MTCH1: variants seen among roughly 807,000 people sequenced by gnomAD.
MTCH1 encodes the protein mitochondrial carrier 1.
A neutral mutation model predicts 49.3 loss-of-function variants in MTCH1; 23 were observed. That is an observed-to-expected ratio of 0.47 (90% confidence interval 0.34 to 0.66). The LOEUF (loss-of-function observed/expected upper bound fraction) is 0.66. Among genes scored for constraint, MTCH1 ranks in the 30% least tolerant of loss-of-function variants. The pLI is 0.01. For missense variants in MTCH1, 397 were observed against 532.1 expected (o/e 0.75, Z 2.50); for synonymous variants, 229 against 215.2 (o/e 1.06, Z -0.56).
chr6:36,971,952 T>G (rs749972427), intron 8 of MTCH1, among the ~76,000 whole-genome samples: 1 of 152,178 alleles, frequency 6.6e-6, no homozygotes, highest in Admixed American at 6.5e-5. Context: ...ACAAGTGCTG[T>G]GTAGAAGGAC....
At chr6:36,976,788 A>G (rs1408017371) in intron 6 of MTCH1, among the ~76,000 whole-genome samples, 1 of 152,208 alleles carries the variant, frequency 6.6e-6, no homozygotes, top group Non-Finnish European at 1.5e-5. Flanking sequence ...CCCCAAGCCC[A>G]TGGGGTGGAT....
rs968946085 is a variant in MTCH1, at chr6:36,984,700, C to A, written c.321+1153G>T. Among the ~76,000 whole-genome samples the A allele has an allele frequency of 3.3e-5, 5 of 152,046 alleles. No individual in the cohort carries two copies. The East Asian group carries it at 5.8e-4, about 18-fold the overall frequency. ...CCCACCTAATTCTCACACCTCCACA[C>A]GCCCTTCATTCCAGCTCACTCCTCA... On this transcript the variant is annotated intron_variant, in intron 1 of 11. Coordinates refer to ENST00000373627, the MANE Select transcript of MTCH1 (RefSeq NM_001271641.2).
Position 36,970,156 on chromosome 6 carries a change from A to G in MTCH1, c.1023-42T>C, listed in dbSNP as rs139513480. 1.9e-3 allele frequency: 3,085 copies of G among 1,598,464 alleles called. 44 individuals are homozygous for G. Among genetic ancestry groups the G allele is most frequent in the Non-Finnish European group, 3.4e-4 (393 of 1,168,222 alleles). On this transcript the variant is annotated intron_variant, in intron 10 of 11. Transcript: ENST00000373627. Reference sequence around the variant, plus strand: ...GTGTAGATGCAGAGAACAGTGGAAGACAGCCAGCCACGGGAAAGCCACTTC... The same window carrying G: ...GTGTAGATGCAGAGAACAGTGGAAGGCAGCCAGCCACGGGAAAGCCACTTC...
Position 36,968,710 on chromosome 6 carries a change from A to G in MTCH1, c.*193T>C. 3.4e-6 allele frequency: 3 copies of G among 885,048 alleles called. No homozygotes were observed. Among genetic ancestry groups the G allele is most frequent in the Non-Finnish European group, 5.4e-6 (3 of 551,808 alleles). The allele number at this position is 885,048 out of a possible 1,614,324, so 54.8% of individuals were successfully genotyped here. A position where few individuals can be genotyped will look rare whatever the true frequency, so the allele number is the denominator to read the frequency against. ...TTCCCTAGGTCTGCCGGGTGACCCA[A>G]TCCACTGGGTGCAGCCCCACCCCCG... On this transcript the variant is annotated 3_prime_UTR_variant, in exon 12 of 12. Transcript: ENST00000373627.
Position 36,981,231 on chromosome 6 carries a change from C to G in MTCH1, c.406+357G>C, listed in dbSNP as rs569225899. On this transcript the variant is annotated intron_variant, in intron 2 of 11. Transcript: ENST00000373627. Reference sequence around the variant, plus strand: ...GCTGGAGTAGCAGGGCCAGGCTGCTCACAGGACAAAAGGAAATCACCCCCA... The same window carrying G: ...GCTGGAGTAGCAGGGCCAGGCTGCTGACAGGACAAAAGGAAATCACCCCCA... Among the ~76,000 whole-genome samples the G allele has an allele frequency of 2.0e-5, 3 of 152,248 alleles. No homozygotes were observed. The South Asian group carries it at 6.2e-4, about 32-fold the overall frequency.
chr6:36,984,056 A>G (rs76821154), intron 1 of MTCH1, among the ~76,000 whole-genome samples: 21,936 of 151,992 alleles, frequency 0.14, 1,807 homozygotes, highest in Admixed American at 0.21. Context: ...ATCTGCCATC[A>G]TCCAAATGAT....
intron 7 of MTCH1, among the ~76,000 whole-genome samples, chr6:36,973,818 T>G (rs1763764376): frequency 6.6e-6 from 1 of 152,262 alleles, no homozygotes; most frequent in African/African-American, 2.4e-5. Flanking sequence ...GCTGTTTCTG[T>G]AGAGCAGCCA....
chr6:36,978,411 G>T, intron 3 of MTCH1, 94 bp downstream of exon 3: 1 of 1,285,184 alleles, frequency 7.8e-7, no homozygotes, highest in Non-Finnish European at 1.1e-6. Context: ...GGTCTGGGAA[G>T]GAGGAGGCAA....
At chr6:36,975,860 C>A in intron 6 of MTCH1, 143 bp from the exon 7 acceptor site, 2 of 708,898 alleles carry the variant, frequency 2.8e-6, no homozygotes, top group Non-Finnish European at 2.5e-6. Flanking sequence ...CATGAAGAAC[C>A]AAGTAGAAAG....
intron 1 of MTCH1, among the ~76,000 whole-genome samples, chr6:36,984,559 C>T (rs1272284347): frequency 6.6e-6 from 1 of 152,170 alleles, no homozygotes; most frequent in East Asian, 1.9e-4. Flanking sequence ...CCACCTGCCT[C>T]AACTCAAATC....
At position 36,975,727 on chromosome 6, in the gene MTCH1, A is replaced by C. The variant is rs772961439; in HGVS notation, c.702-10T>G. 6.2e-7 allele frequency: 1 copy of C among 1,613,834 alleles called. No individual in the cohort carries two copies. Among genetic ancestry groups the C allele is most frequent in the Non-Finnish European group, 8.5e-7 (1 of 1,179,802 alleles). On this transcript the variant is annotated splice_polypyrimidine_tract_variant and intron_variant, in intron 6 of 11. Coordinates refer to ENST00000373627, the MANE Select transcript of MTCH1 (RefSeq NM_001271641.2). ...GGAGCTCAGCACACCACTGTGAAGAAGGCAAGACAGAGATACAGGGTCATG... is the reference window on the plus strand; with the variant it reads ...GGAGCTCAGCACACCACTGTGAAGACGGCAAGACAGAGATACAGGGTCATG...
At chr6:36,981,009 C>T (rs1764064997) in intron 2 of MTCH1, among the ~76,000 whole-genome samples, 1 of 152,152 alleles carries the variant, frequency 6.6e-6, no homozygotes, top group Admixed American at 6.5e-5. Flanking sequence ...TGCAGCCAGG[C>T]CACAGCAGGT....
intron 1 of MTCH1, among the ~76,000 whole-genome samples, chr6:36,983,305 G>C (rs1425262352): frequency 6.6e-6 from 1 of 152,174 alleles, no homozygotes; most frequent in Admixed American, 6.5e-5. Flanking sequence ...ATTAAGTTTT[G>C]TCTTGATCTG....
At chr6:36,970,503 G>T in intron 9 of MTCH1, 30 bp from the exon 10 acceptor site, 1 of 1,613,080 alleles carries the variant, frequency 6.2e-7, no homozygotes, top group South Asian at 1.1e-5. Context: ...GAGTGCCAGT[G>T]ACCCACCCCG....
intron 2 of MTCH1, among the ~76,000 whole-genome samples, chr6:36,979,110 TCAAGAACGCCC>T (rs1215662554): frequency 1.3e-5 from 2 of 152,064 alleles, no homozygotes; most frequent in African/African-American, 4.8e-5. Flanking sequence ...GAAGACAGGC[TCAAGAACGCCC>T]CCTGCACATG....
At position 36,986,168 on chromosome 6, in the gene MTCH1, T is replaced by G. The variant is rs1455925956; in HGVS notation, c.6A>C (p.Gly2=). The change falls in exon 1 of 12, where the codon GGA becomes GGC. Residue 2 remains glycine, a synonymous_variant. Coordinates refer to ENST00000373627, the MANE Select transcript of MTCH1 (RefSeq NM_001271641.2). M[G]ASDPEVAPWA... ...AGGGCGCCACTTCCGGGTCCGAAGC[T>G]CCCATGGCGCCCGGCGGCGAGGTCA... 22 of 1,427,910 alleles carry G rather than the reference T, an allele frequency of 1.5e-5. No individual in the cohort carries two copies. Among genetic ancestry groups the G allele is most frequent in the East Asian group, 3.1e-5 (1 of 32,140 alleles). The allele number at this position is 1,427,910 out of a possible 1,614,324, so 88.5% of individuals were successfully genotyped here.
rs1368927865 is a variant in MTCH1, at chr6:36,974,824, TG to T, written c.761+833del. Among the ~76,000 whole-genome samples, 4 of 152,316 alleles carry T rather than the reference TG, an allele frequency of 2.6e-5. No individual in the cohort carries two copies. In the East Asian group the frequency reaches 7.7e-4, roughly 29 times the overall value. On this transcript the variant is annotated intron_variant, in intron 7 of 11. Coordinates refer to ENST00000373627, the MANE Select transcript of MTCH1 (RefSeq NM_001271641.2). The stretch of plus-strand genomic sequence containing the variant: ...ATATAAAGACTTCTTATGAATAATA[TG>T]GAGCCCTGTATCTAGTACAGCGGAT...
rs182073187 is a variant in MTCH1, at chr6:36,975,348, C to G, written c.761+310G>C. Among the ~76,000 whole-genome samples the G allele has an allele frequency of 2.0e-3, 310 of 152,396 alleles. 3 individuals are homozygous for G. Among genetic ancestry groups the G allele is most frequent in the Admixed American group, 6.3e-3 (97 of 15,314 alleles). On this transcript the variant is annotated intron_variant, in intron 7 of 11. Transcript: ENST00000373627. ...CATGTTTTAGCAGTGAGGCCAAGGA[C>G]TATGCAGTGACTTAGCTCATGAAGA... is the stretch of plus-strand genomic sequence containing the variant.
chr6:36,976,868 C>T (rs1156453598), intron 6 of MTCH1, among the ~76,000 whole-genome samples: 1 of 152,162 alleles, frequency 6.6e-6, no homozygotes, highest in Non-Finnish European at 1.5e-5. Flanking sequence ...AGCATTACTT[C>T]GGGAGTCCAA....
Sources: gnomAD v4.1 joint callset for allele counts (sites outside exome capture counted in the v4.1 genomes callset) on GRCh38, gnomAD v4.1.1 for gene constraint, MANE v1.5 for transcripts, NCBI Gene and HGNC (gene_info 2026-07-23, HGNC 2026-07-21) for gene names.